BMPR1B: variants seen among roughly 807,000 people sequenced by gnomAD.
The protein encoded by BMPR1B is bone morphogenetic protein receptor type 1B, also known as bone morphogenetic protein receptor type-1B.
Under a neutral mutation model 59.1 loss-of-function variants are expected in BMPR1B, and 12 were observed. The ratio of observed to expected loss-of-function variants is 0.20; its 90% CI spans 0.13 to 0.33. BMPR1B has a LOEUF of 0.33. Ranked by LOEUF, BMPR1B falls within the 10% of genes least tolerant of loss-of-function variation. The pLI is 1.00. For missense variants in BMPR1B, 550 were observed against 610.9 expected (o/e 0.90, Z 1.05); for synonymous variants, 237 against 207.3 (o/e 1.14, Z -1.23).
At chr4:95,086,645 T>G (rs17412982) in intron 3 of BMPR1B, among the ~76,000 whole-genome samples, 50,273 of 152,100 alleles carry the variant, frequency 0.33, 8,341 homozygotes, top group Middle Eastern at 0.45. Flanking sequence ...GGCCATGCCT[T>G]TGAACAATAC....
At chr4:94,970,209 A>G (rs1044137158) in intron 2 of BMPR1B, among the ~76,000 whole-genome samples, 5 of 151,848 alleles carry the variant, frequency 3.3e-5, no homozygotes, top group Non-Finnish European at 5.9e-5. Context: ...AGTTAAGCCA[A>G]TTTCAAGATC....
In BMPR1B at chr4:94,770,180, G is replaced by GTTTTTTTTTTTTTTTTTTTTTTTT. The variant is rs1553903537; in HGVS notation, c.-183+12113_-183+12114insTTTTTTTTTTTTTTTTTTTTTTTT. On this transcript the variant is annotated intron_variant, in intron 1 of 12. Transcript: ENST00000515059. ...TTTGTTTGAATTGTCCTTCGTTTCT[G>GTTTTTTTTTTTTTTTTTTTTTTTT]TGTTTGTTTTTTTTTTTTTTTTTTG... Among the ~76,000 whole-genome samples, 14 of 106,268 alleles carry GTTTTTTTTTTTTTTTTTTTTTTTT rather than the reference G, an allele frequency of 1.3e-4. 1 individual carries two copies. Among genetic ancestry groups the GTTTTTTTTTTTTTTTTTTTTTTTT allele is most frequent in the African/African-American group, 5.8e-4 (14 of 24,202 alleles). 69.7% of individuals were successfully genotyped at this position (106,268 alleles called of 152,430 possible).
chr4:94,942,465 A>G (rs1729554597), intron 2 of BMPR1B, among the ~76,000 whole-genome samples: 1 of 152,208 alleles, frequency 6.6e-6, no homozygotes, highest in South Asian at 2.1e-4. Flanking sequence ...AAATTTTATT[A>G]TTCATGCTAC....
intron 3 of BMPR1B, among the ~76,000 whole-genome samples, chr4:95,034,649 A>ATG (rs1725103707): frequency 6.6e-6 from 1 of 151,424 alleles, no homozygotes; most frequent in African/African-American, 2.4e-5. Flanking sequence ...GTTTATATAT[A>ATG]TATATATATG....
intron 1 of BMPR1B, among the ~76,000 whole-genome samples, chr4:94,840,796 T>C (rs967152314): frequency 2.0e-5 from 3 of 148,768 alleles, no homozygotes; most frequent in Non-Finnish European, 3.0e-5. Flanking sequence ...CTTTGTTCCG[T>C]TGCTGGTGAG....
chr4:94,924,104 C>G (rs1163796319), intron 2 of BMPR1B, among the ~76,000 whole-genome samples: 1 of 152,068 alleles, frequency 6.6e-6, no homozygotes, highest in Non-Finnish European at 1.5e-5. Context: ...TTTTTCCCTG[C>G]TACTTGACAC....
chr4:94,814,778 A>G (rs573609822), intron 1 of BMPR1B, among the ~76,000 whole-genome samples: 12 of 152,306 alleles, frequency 7.9e-5, no homozygotes, highest in African/African-American at 2.9e-4. Flanking sequence ...TATAATTTCA[A>G]ACTATGTTTT....
At chr4:94,924,942 G>GGTATCCTTCC (rs1432396246) in intron 2 of BMPR1B, among the ~76,000 whole-genome samples, 1 of 152,016 alleles carries the variant, frequency 6.6e-6, no homozygotes, top group African/African-American at 2.4e-5. Flanking sequence ...CAAAGCCTTT[G>GGTATCCTTCC]GTATCCTTCC....
intron 2 of BMPR1B, among the ~76,000 whole-genome samples, chr4:94,974,799 A>C (rs1326175092): frequency 6.6e-6 from 1 of 152,156 alleles, no homozygotes; most frequent in Non-Finnish European, 1.5e-5. Flanking sequence ...TCAGTGAGTT[A>C]ATTTTTGTAA....
At chr4:94,832,304 A>G (rs1484209135) in intron 1 of BMPR1B, among the ~76,000 whole-genome samples, 1 of 150,364 alleles carries the variant, frequency 6.7e-6, no homozygotes, top group Non-Finnish European at 1.5e-5. Context: ...TGTTCATGTA[A>G]GGAAATAATG....
chr4:95,068,871 C>G (rs1211317517), intron 3 of BMPR1B, among the ~76,000 whole-genome samples: 1 of 152,278 alleles, frequency 6.6e-6, no homozygotes, highest in East Asian at 1.9e-4. Flanking sequence ...CTTCAAAGTA[C>G]AGCAAGTCCT....
intron 2 of BMPR1B, among the ~76,000 whole-genome samples, chr4:94,993,993 T>C (rs1275809114): frequency 6.6e-6 from 1 of 152,172 alleles, no homozygotes; most frequent in Non-Finnish European, 1.5e-5. Flanking sequence ...AAATAGCTGA[T>C]GTGTTTTGTT....
At position 95,118,880 on chromosome 4, in the gene BMPR1B, TAAAAGGC is replaced by T. The variant is rs1413939620; in HGVS notation, c.349+3097_349+3103del. The stretch of plus-strand genomic sequence containing the variant: ...GCCGGGGATAGGGTTATGGGGCAAA[TAAAAGGC>T]AAATGGGAAGGTAAAGCTAGCCTTA... On this transcript the variant is annotated intron_variant, in intron 6 of 12. Transcript: ENST00000515059. Among the ~76,000 whole-genome samples the T allele has an allele frequency of 5.3e-5, 8 of 152,084 alleles. No individual in the cohort carries two copies. The South Asian group carries it at 6.2e-4, about 12-fold the overall frequency.
chr4:95,022,164 C>A (rs564390692), intron 3 of BMPR1B, among the ~76,000 whole-genome samples: 1 of 152,250 alleles, frequency 6.6e-6, no homozygotes, highest in South Asian at 2.1e-4. Context: ...ATAAGGAAAC[C>A]TGTGTCTAAA....
chr4:95,091,271 TTTTTTTTTTG>T (rs1346416127), intron 3 of BMPR1B, among the ~76,000 whole-genome samples: 297 of 150,170 alleles, frequency 2.0e-3, no homozygotes, highest in African/African-American at 3.6e-3. Context: ...TTTTCTTTTC[TTTTTTTTTTG>T]TTTTGTTTTG....
intron 2 of BMPR1B, among the ~76,000 whole-genome samples, chr4:94,969,814 A>C (rs1730703270): frequency 1.3e-5 from 2 of 152,206 alleles, no homozygotes. Flanking sequence ...AGTGTCTGGC[A>C]GATGGTATTT....
intron 3 of BMPR1B, among the ~76,000 whole-genome samples, chr4:95,028,996 G>A (rs750196844): frequency 6.6e-6 from 1 of 151,242 alleles, no homozygotes; most frequent in Non-Finnish European, 1.5e-5. Context: ...TTTATATCAC[G>A]ATAATTGAAA....
intron 10 of BMPR1B, among the ~76,000 whole-genome samples, chr4:95,135,562 T>C (rs907730638): frequency 4.6e-5 from 7 of 152,224 alleles, no homozygotes; most frequent in Admixed American, 1.3e-4. Flanking sequence ...TAGTTCTCCT[T>C]GAAGAGGTCC....
intron 3 of BMPR1B, among the ~76,000 whole-genome samples, chr4:95,019,243 C>T (rs374433031): frequency 1.1e-4 from 16 of 152,222 alleles, no homozygotes; most frequent in Admixed American, 4.6e-4. Context: ...TTGTGCCCAG[C>T]GTCCTCATTT....
Sources: gnomAD v4.1 joint callset for allele counts (sites outside exome capture counted in the v4.1 genomes callset) on GRCh38, gnomAD v4.1.1 for gene constraint, MANE v1.5 for transcripts, NCBI Gene and HGNC (gene_info 2026-07-23, HGNC 2026-07-21) for gene names.